SLC44A1: variants seen among roughly 807,000 people sequenced by gnomAD.
SLC44A1 encodes solute carrier family 44 member 1.
A neutral mutation model predicts 79.3 loss-of-function variants in SLC44A1; 26 were observed. That is an observed-to-expected ratio of 0.33 (90% CI 0.24 to 0.46). The LOEUF (loss-of-function observed/expected upper bound fraction) is 0.46. Ranked by LOEUF, SLC44A1 falls within the 20% of genes least tolerant of loss-of-function variation. The pLI, the probability that SLC44A1 is intolerant of heterozygous loss-of-function variation, is 1.00. For synonymous variants in SLC44A1, 263 were observed against 286.2 expected, an observed-to-expected ratio of 0.92 and a Z score of 0.82; for missense variants, 688 against 798.1, an observed-to-expected ratio of 0.86 and a Z score of 1.66.
At chr9:105,424,154 C>T (rs1829290442) in intron 15 of SLC44A1, among the ~76,000 whole-genome samples, 2 of 152,150 alleles carry the variant, frequency 1.3e-5, no homozygotes, top group African/African-American at 2.4e-5. Context: ...CACCAGGCTC[C>T]CTGCTCTTGC....
At chr9:105,309,179 C>T (rs1453152195) in intron 2 of SLC44A1, among the ~76,000 whole-genome samples, 2 of 146,374 alleles carry the variant, frequency 1.4e-5, no homozygotes, top group African/African-American at 2.7e-5. Flanking sequence ...TCAAAACCCA[C>T]GTTCCTATTG....
At chr9:105,253,263 T>TA (rs1474209698) in intron 1 of SLC44A1, among the ~76,000 whole-genome samples, 1 of 152,046 alleles carries the variant, frequency 6.6e-6, no homozygotes, top group Non-Finnish European at 1.5e-5. Context: ...ATATGTAAAG[T>TA]AAAAAAACCA....
At chr9:105,347,835 T>G (rs1827287246) in intron 4 of SLC44A1, among the ~76,000 whole-genome samples, 1 of 152,066 alleles carries the variant, frequency 6.6e-6, no homozygotes, top group Admixed American at 6.5e-5. Context: ...TTTACATGTG[T>G]TATATGCATT....
In SLC44A1 at chr9:105,386,394, T is replaced by C. The variant is rs193292361; in HGVS notation, c.1950+892T>C. The C allele has an allele frequency of 2.5e-3, 2,440 of 977,146 alleles. 4 individuals are homozygous for C. The highest frequency in any genetic ancestry group is 2.8e-3 in the Non-Finnish European group (2,335 of 822,380). 60.5% of individuals were successfully genotyped at this position (977,146 alleles called of 1,614,324 possible). On this transcript the variant is annotated intron_variant, in intron 15 of 15. Transcript: ENST00000374720. ...CATCCTTAAATAATTTTAAACAATG[T>C]GTCCCCTGACTGCATATAATGTTCA...
chr9:105,365,582 A>C lies in SLC44A1; in HGVS notation c.1353A>C (p.Thr451=), dbSNP rs35215533. The C allele has an allele frequency of 6.2e-7, 1 of 1,613,642 alleles. No homozygotes were observed. The highest frequency in any genetic ancestry group is 1.3e-5 in the African/African-American group (1 of 74,902). The change falls in exon 11 of 16, where the codon ACA becomes ACC. Residue 451 remains threonine (T), a synonymous_variant. Transcript: ENST00000374720. The part of the protein sequence containing the change: ...GTVAKGSFII[T]LVKIPRMILM... ...TGGCAAAAGGATCTTTCATTATCAC[A>C]TTAGTCAAAATTCCGCGAATGATCC...
At chr9:105,304,604 C>T (rs541717165) in intron 2 of SLC44A1, among the ~76,000 whole-genome samples, 93 of 152,252 alleles carry the variant, frequency 6.1e-4, no homozygotes, top group African/African-American at 2.0e-3. Context: ...TCTGTGTCTG[C>T]TTTCCCTTAG....
At chr9:105,314,472 TTG>T (rs1273946934) in intron 3 of SLC44A1, among the ~76,000 whole-genome samples, 1 of 152,230 alleles carries the variant, frequency 6.6e-6, no homozygotes, top group Non-Finnish European at 1.5e-5. Context: ...TCTACTTTCT[TTG>T]TTACTCCAAG....
At position 105,394,451 on chromosome 9, in the gene SLC44A1, G is replaced by T. The variant is rs976542062; in HGVS notation, c.*5395G>T. 4.1e-6 allele frequency: 4 copies of T among 981,754 alleles called. No homozygotes were observed. Among genetic ancestry groups the T allele is most frequent in the Non-Finnish European group, 4.8e-6 (4 of 828,064 alleles). The allele number at this position is 981,754 out of a possible 1,614,324, so 60.8% of individuals were successfully genotyped here. A position where few individuals can be genotyped will look rare whatever the true frequency, so the allele number is the denominator to read the frequency against. On this transcript the variant is annotated 3_prime_UTR_variant, in exon 16 of 16. Transcript: ENST00000374720. ...TGTGTGTGTGTGTGTGTTTGTGTGTGTGTGTGTGTGTCCTGGCGGTTATTT... is the reference window on the plus strand; with the variant it reads ...TGTGTGTGTGTGTGTGTTTGTGTGTTTGTGTGTGTGTCCTGGCGGTTATTT...
At chr9:105,271,078 T>C (rs1830066111) in intron 1 of SLC44A1, among the ~76,000 whole-genome samples, 1 of 152,272 alleles carries the variant, frequency 6.6e-6, no homozygotes, top group Admixed American at 6.5e-5. Context: ...GCTTCTTTCC[T>C]GTTGGAATAA....
intron 11 of SLC44A1, among the ~76,000 whole-genome samples, chr9:105,366,128 C>G (rs1827933349): frequency 6.6e-6 from 1 of 152,086 alleles, no homozygotes; most frequent in East Asian, 1.9e-4. Context: ...GTGTTATAAA[C>G]TTCACTGTAT....
At chr9:105,427,269 A>G (rs1297572922) in intron 15 of SLC44A1, among the ~76,000 whole-genome samples, 2 of 151,536 alleles carry the variant, frequency 1.3e-5, no homozygotes, top group East Asian at 1.9e-4. Flanking sequence ...GAATTTCCCA[A>G]TGGTGTTAAA....
chr9:105,391,248 A>G lies in SLC44A1; in HGVS notation c.*2192A>G. ...GCTGCTCCCTGTTCCATATGCTCGC[A>G]ATCTCAGCTATTTGGAAGCTACCAG... On this transcript the variant is annotated 3_prime_UTR_variant, in exon 16 of 16. Transcript: ENST00000374720. 2.0e-6 allele frequency: 2 copies of G among 985,786 alleles called. No individual in the cohort carries two copies. The highest frequency in any genetic ancestry group is 2.4e-6 in the Non-Finnish European group (2 of 829,882). The allele number at this position is 985,786 out of a possible 1,614,324, so 61.1% of individuals were successfully genotyped here. A position where few individuals can be genotyped will look rare whatever the true frequency, so the allele number is the denominator to read the frequency against.
chr9:105,321,170 G>C (rs1226114886), intron 3 of SLC44A1, among the ~76,000 whole-genome samples: 5 of 151,560 alleles, frequency 3.3e-5, no homozygotes, highest in Non-Finnish European at 7.4e-5. Context: ...TTTTTTTTGT[G>C]CTTTCTACTG....
intron 4 of SLC44A1, among the ~76,000 whole-genome samples, chr9:105,346,238 G>C (rs943975775): frequency 6.6e-6 from 1 of 152,122 alleles, no homozygotes; most frequent in African/African-American, 2.4e-5. Flanking sequence ...GATCTATTTA[G>C]TACTGGCCTG....
intron 6 of SLC44A1, chr9:105,357,217 C>T (rs936413551): frequency 6.6e-6 from 1 of 152,156 alleles, no homozygotes; most frequent in Admixed American, 6.5e-5. Context: ...ATTTGAAAGG[C>T]TCCCATCTGT....
At chr9:105,252,811 C>CT (rs1184130679) in intron 1 of SLC44A1, among the ~76,000 whole-genome samples, 2 of 152,178 alleles carry the variant, frequency 1.3e-5, no homozygotes, top group Non-Finnish European at 2.9e-5. Flanking sequence ...ATATTTCCTC[C>CT]TTTTTGATAC....
Position 105,393,739 on chromosome 9 carries a change from T to C in SLC44A1, c.*4683T>C, listed in dbSNP as rs1828817132. On this transcript the variant is annotated 3_prime_UTR_variant, in exon 16 of 16. Coordinates refer to ENST00000374720, the MANE Select transcript of SLC44A1 (RefSeq NM_080546.5). ...TAAATTATATGGACAGAATGTGTTC[T>C]AAGGAAATTCGTTAGTAAATTTGTG... is the stretch of plus-strand genomic sequence containing the variant. 1.0e-6 allele frequency: 1 copy of C among 985,070 alleles called. No homozygotes were observed. Among genetic ancestry groups the C allele is most frequent in the Admixed American group, 6.1e-5 (1 of 16,270 alleles). 61.0% of individuals were successfully genotyped at this position (985,070 alleles called of 1,614,324 possible).
intron 2 of SLC44A1, among the ~76,000 whole-genome samples, chr9:105,308,401 G>A (rs1211592654): frequency 6.6e-6 from 1 of 152,196 alleles, no homozygotes; most frequent in East Asian, 1.9e-4. Context: ...AGTAAATTGA[G>A]ACAGAAAGTT....
At chr9:105,435,005 G>C (rs1193601960) in intron 15 of SLC44A1, among the ~76,000 whole-genome samples, 2 of 152,090 alleles carry the variant, frequency 1.3e-5, no homozygotes, top group Non-Finnish European at 2.9e-5. Flanking sequence ...AATGTAACCA[G>C]GTGTGGTGGC....
Sources: allele counts gnomAD v4.1 joint callset (sites outside exome capture counted in the v4.1 genomes callset), GRCh38; gene constraint gnomAD v4.1.1; transcripts MANE v1.5; gene names NCBI Gene and HGNC (gene_info 2026-07-23, HGNC 2026-07-21).